The following GCLM variants were observed in gnomAD, a reference collection of about 807,000 sequenced individuals.
GCLM encodes the protein glutamate-cysteine ligase modifier subunit.
Under a neutral mutation model 36.0 loss-of-function variants are expected in GCLM, and 15 were observed. That is an observed-to-expected ratio of 0.42 (90% CI 0.28 to 0.64). The LOEUF (loss-of-function observed/expected upper bound fraction) is 0.64, where lower values mean the gene tolerates loss of function less well. Among genes scored for constraint, GCLM ranks in the 30% least tolerant of loss-of-function variants. The pLI, the probability that GCLM is intolerant of heterozygous loss-of-function variation, is 0.25. For missense variants in GCLM, 242 were observed against 325.5 expected (o/e 0.74, Z 1.97); for synonymous variants, 129 against 122.8 (o/e 1.05, Z -0.34).
chr1:93,896,696 A>T lies in GCLM; in HGVS notation c.462T>A (p.Val154=), dbSNP rs752882203. The T allele has an allele frequency of 1.2e-6, 2 of 1,613,910 alleles. No individual in the cohort carries two copies. The highest frequency in any genetic ancestry group is 1.7e-6 in the Non-Finnish European group (2 of 1,179,826). ...CTATGGCAACAATCTTTTTGCTCTG[A>T]ACTAAGTTTTCTAATTCCTCCCAGT... ...QPYWEELENL[V]QSKKIVAIGT... is the part of the protein sequence containing the mutation. Residue 154 remains valine, a synonymous_variant, in exon 5 of 7, where the codon GTT becomes GTA. Transcript: ENST00000370238.
In GCLM at chr1:93,894,600, A is replaced by G. The variant is rs964270165; in HGVS notation, c.655+14T>C. ...GCTTATGATCAATCTCTATAATGAA[A>G]ATATCAGTTTTACCTTTTGGATCAT... is the stretch of plus-strand genomic sequence containing the variant. On this transcript the variant is annotated intron_variant, in intron 6 of 6. Coordinates refer to ENST00000370238, the MANE Select transcript of GCLM (RefSeq NM_002061.4). 1 of 1,296,010 alleles carries G rather than the reference A, an allele frequency of 7.7e-7. No homozygotes were observed. Among genetic ancestry groups the G allele is most frequent in the Non-Finnish European group, 1.1e-6 (1 of 892,330 alleles). 80.3% of individuals were successfully genotyped at this position (1,296,010 alleles called of 1,614,324 possible).
rs1227822366 is a variant in GCLM at position 93,909,196 on chromosome 1, G to C, written c.-33C>G. The C allele has an allele frequency of 3.4e-6, 4 of 1,182,284 alleles. No homozygotes were observed. Among genetic ancestry groups the C allele is most frequent in the Admixed American group, 4.6e-5 (1 of 21,872 alleles). 73.2% of individuals were successfully genotyped at this position (1,182,284 alleles called of 1,614,324 possible). On this transcript the variant is annotated 5_prime_UTR_variant, in exon 1 of 7. Transcript: ENST00000370238. ...GCCGCCCAGGGGCCGCGCAGCGAAG[G>C]GGCTGCGGGCGGGCGGGCAGGCAGG...
intron 6 of GCLM, among the ~76,000 whole-genome samples, chr1:93,893,162 G>A (rs1571197552): frequency 6.6e-6 from 1 of 152,136 alleles, no homozygotes; most frequent in African/African-American, 2.4e-5. Flanking sequence ...TAGTGGAAAA[G>A]GCTCCAAAAT....
rs750065597 is a variant in GCLM at position 93,897,907 on chromosome 1, CAAAG to C, written c.278-13_278-10del. The C allele has an allele frequency of 1.1e-4, 169 of 1,504,240 alleles. No individual in the cohort carries two copies. Among genetic ancestry groups the C allele is most frequent in the Non-Finnish European group, 1.5e-4 (165 of 1,120,130 alleles). 93.2% of individuals were successfully genotyped at this position (1,504,240 alleles called of 1,614,324 possible). ...TACAATGAACAGTTTTGCTGGGTAACAAAGAAAACAAAACTGATTACTACATTTG... is the reference window on the plus strand; with the variant it reads ...TACAATGAACAGTTTTGCTGGGTAACAAAACAAAACTGATTACTACATTTG... On this transcript the variant is annotated splice_polypyrimidine_tract_variant and intron_variant, in intron 3 of 6. Transcript: ENST00000370238.
Position 93,909,118 on chromosome 1 carries a change from G to C in GCLM, c.46C>G (p.Arg16Gly). The C allele has an allele frequency of 7.0e-7, 1 of 1,433,310 alleles. No individual in the cohort carries two copies. The highest frequency in any genetic ancestry group is 9.2e-7 in the Non-Finnish European group (1 of 1,091,574). 88.8% of individuals were successfully genotyped at this position (1,433,310 alleles called of 1,614,324 possible). A position where few individuals can be genotyped will look rare whatever the true frequency, so the allele number is the denominator to read the frequency against. Residue 16 changes from arginine (R) to glycine (G), a missense_variant, in exon 1 of 7, where the codon CGC (arginine) becomes GGC (glycine). Arg to Gly is a moderately radical substitution (Grantham distance 125, BLOSUM62 -2). Transcript: ENST00000370238. ...TTCCCCGTCTGCAGGTGCAGGGTGC[G>C]GGCCCGCGCCAGGAGCGCCTTGGCC... ...RAAKALLARA[R>G]TLHLQTGNLL...
rs1224003608 is a variant in GCLM at position 93,885,331 on chromosome 1, C to T, written c.*3659G>A. 1.3e-5 allele frequency: 2 copies of T among 152,230 alleles called. No homozygotes were observed. Among genetic ancestry groups the T allele is most frequent in the South Asian group, 4.1e-4 (2 of 4,822 alleles). 9.4% of individuals were successfully genotyped at this position (152,230 alleles called of 1,614,324 possible). A position where few individuals can be genotyped will look rare whatever the true frequency, so the allele number is the denominator to read the frequency against. ...ACCCAATTAAAAAATATACAACTCA[C>T]ACTTTATTTTAGTTAAATTCATAAT... On this transcript the variant is annotated 3_prime_UTR_variant, in exon 7 of 7. Transcript: ENST00000370238.
intron 1 of GCLM, among the ~76,000 whole-genome samples, chr1:93,907,335 C>A (rs1657180584): frequency 1.3e-5 from 2 of 152,128 alleles, no homozygotes; most frequent in Admixed American, 1.3e-4. Flanking sequence ...GTCCTTTGAA[C>A]AATGTTTTAC....
rs1245000891 is a variant in GCLM at position 93,885,565 on chromosome 1, A to G, written c.*3425T>C. On this transcript the variant is annotated 3_prime_UTR_variant, in exon 7 of 7. Transcript: ENST00000370238. The stretch of plus-strand genomic sequence containing the variant: ...TGCCATATCCCATTGCCAACTTTAC[A>G]TGAAAAAGGTATATGTTCTGGTATA... The G allele has an allele frequency of 1.3e-5, 2 of 152,212 alleles. No homozygotes were observed. The highest frequency in any genetic ancestry group is 4.8e-5 in the African/African-American group (2 of 41,464). 9.4% of individuals were successfully genotyped at this position (152,212 alleles called of 1,614,324 possible).
In GCLM at chr1:93,888,892, C is replaced by A; in HGVS notation, c.*98G>T. ...TCAAATATGACGAAAGAATATCTGC[C>A]TCAATGACACCATTTACAGGCAGTA... On this transcript the variant is annotated 3_prime_UTR_variant, in exon 7 of 7. Coordinates refer to ENST00000370238, the MANE Select transcript of GCLM (RefSeq NM_002061.4). The A allele has an allele frequency of 1.3e-6, 1 of 756,372 alleles. No individual in the cohort carries two copies. 46.9% of individuals were successfully genotyped at this position (756,372 alleles called of 1,614,324 possible). A position where few individuals can be genotyped will look rare whatever the true frequency, so the allele number is the denominator to read the frequency against.
Position 93,909,131 on chromosome 1 carries a change from G to C in GCLM, c.33C>G (p.Leu11=). Residue 11 remains leucine, a synonymous_variant, in exon 1 of 7, where the codon CTC becomes CTG. Coordinates refer to ENST00000370238, the MANE Select transcript of GCLM (RefSeq NM_002061.4). ...GGTGCAGGGTGCGGGCCCGCGCCAG[G>C]AGCGCCTTGGCCGCGCGGCTGTCGG... is the stretch of plus-strand genomic sequence containing the variant. MGTDSRAAKA[L]LARARTLHLQ... The C allele has an allele frequency of 7.1e-7, 1 of 1,408,922 alleles. No homozygotes were observed. The highest frequency in any genetic ancestry group is 9.3e-7 in the Non-Finnish European group (1 of 1,077,024). The allele number at this position is 1,408,922 out of a possible 1,614,324, so 87.3% of individuals were successfully genotyped here. A position where few individuals can be genotyped will look rare whatever the true frequency, so the allele number is the denominator to read the frequency against.
intron 5 of GCLM, among the ~76,000 whole-genome samples, chr1:93,895,200 G>C (rs17881810): frequency 0.085 from 12,893 of 151,844 alleles, 616 homozygotes; most frequent in African/African-American, 0.12. Context: ...ATTTTTAGTA[G>C]AGACGCGGTT....
At position 93,886,061 on chromosome 1, in the gene GCLM, C is replaced by A. The variant is rs759056419; in HGVS notation, c.*2929G>T. The A allele has an allele frequency of 1.3e-5, 2 of 152,128 alleles. No individual in the cohort carries two copies. The highest frequency in any genetic ancestry group is 2.4e-5 in the African/African-American group (1 of 41,438). The allele number at this position is 152,128 out of a possible 1,614,324, so 9.4% of individuals were successfully genotyped here. ...ATGGCCATCATAGTATGGTCTTTTA[C>A]ATCATGTGAAAATACTTGTTGCTTT... On this transcript the variant is annotated 3_prime_UTR_variant, in exon 7 of 7. Transcript: ENST00000370238.
At chr1:93,908,144 A>G (rs972431777) in intron 1 of GCLM, among the ~76,000 whole-genome samples, 2 of 152,232 alleles carry the variant, frequency 1.3e-5, no homozygotes, top group Non-Finnish European at 2.9e-5. Context: ...TTCCAAAGTC[A>G]TATAGCTCCT....
At chr1:93,902,331 G>A (rs540778133) in intron 2 of GCLM, among the ~76,000 whole-genome samples, 2 of 151,808 alleles carry the variant, frequency 1.3e-5, no homozygotes, top group African/African-American at 2.4e-5. Flanking sequence ...GGTGCACGCC[G>A]CCACGCCTGA....
chr1:93,904,848 C>T (rs1657084555), intron 1 of GCLM, among the ~76,000 whole-genome samples: 1 of 151,700 alleles, frequency 6.6e-6, no homozygotes, highest in African/African-American at 2.4e-5. Flanking sequence ...TTTTTTGTAC[C>T]AGTGAAAATT....
At chr1:93,899,311 T>G (rs1437071156) in intron 3 of GCLM, among the ~76,000 whole-genome samples, 1 of 152,138 alleles carries the variant, frequency 6.6e-6, no homozygotes, top group Non-Finnish European at 1.5e-5. Flanking sequence ...TGGCCTCAAG[T>G]GATCCACCCG....
In GCLM at chr1:93,887,281, G is replaced by T. The variant is rs1656348296; in HGVS notation, c.*1709C>A. On this transcript the variant is annotated 3_prime_UTR_variant, in exon 7 of 7. Transcript: ENST00000370238. ...AGTGCTGGGATTACAGGCATGAGGT[G>T]TGCCCGGGCAGATTTCACATAATTT... is the stretch of plus-strand genomic sequence containing the variant. The T allele has an allele frequency of 2.0e-5, 3 of 151,856 alleles. No individual in the cohort carries two copies. Among genetic ancestry groups the T allele is most frequent in the Admixed American group, 2.0e-4 (3 of 15,260 alleles). The allele number at this position is 151,856 out of a possible 1,614,324, so 9.4% of individuals were successfully genotyped here. A position where few individuals can be genotyped will look rare whatever the true frequency, so the allele number is the denominator to read the frequency against.
intron 3 of GCLM, among the ~76,000 whole-genome samples, chr1:93,898,176 T>C (rs969575498): frequency 4.0e-5 from 6 of 151,870 alleles, no homozygotes; most frequent in Admixed American, 2.0e-4. Context: ...TAGATAACTA[T>C]TGGAGCTTAA....
At chr1:93,895,849 G>A (rs1656709373) in intron 5 of GCLM, among the ~76,000 whole-genome samples, 1 of 151,936 alleles carries the variant, frequency 6.6e-6, no homozygotes, top group Non-Finnish European at 1.5e-5. Flanking sequence ...TGAACTGACA[G>A]TCTTACACAT....
Sources: allele counts gnomAD v4.1 joint callset (sites outside exome capture counted in the v4.1 genomes callset), GRCh38; gene constraint gnomAD v4.1.1; transcripts MANE v1.5; gene names NCBI Gene and HGNC (gene_info 2026-07-23, HGNC 2026-07-21).